Variants in FNBP1L observed in about 807,000 individuals in gnomAD.
The protein encoded by FNBP1L is formin-binding protein 1-like.
FNBP1L carries 36 observed loss-of-function variants against 91.2 expected under a neutral mutation model. The ratio of observed to expected loss-of-function variants is 0.39; its 90% CI spans 0.30 to 0.52. The LOEUF is 0.52. Ranked by LOEUF, FNBP1L falls within the 20% of genes least tolerant of loss-of-function variation. The pLI, the probability that FNBP1L is intolerant of heterozygous loss-of-function variation, is 0.66. For synonymous variants in FNBP1L, 242 were observed against 237.0 expected (o/e 1.02, Z -0.19); for missense variants, 571 against 732.1 (o/e 0.78, Z 2.54).
In FNBP1L at chr1:93,509,093, C is replaced by T. The variant is rs183477467; in HGVS notation, c.140+9510C>T. On this transcript the variant is annotated intron_variant, in intron 2 of 16. Transcript: ENST00000271234. ...CTCCTGGACCTTAATATGTGGTCAC[C>T]GTGACCACAGGTTCATAGGCATGAC... Among the ~76,000 whole-genome samples, 19 of 152,214 alleles carry T rather than the reference C, an allele frequency of 1.2e-4. No homozygotes were observed. The East Asian group carries it at 1.5e-3, about 12-fold the overall frequency.
At chr1:93,469,312 A>T (rs928413591) in intron 1 of FNBP1L, among the ~76,000 whole-genome samples, 1 of 132,322 alleles carries the variant, frequency 7.6e-6, no homozygotes, top group African/African-American at 3.0e-5. Context: ...TTCAACTCCT[A>T]CTTATGAGTG....
intron 2 of FNBP1L, among the ~76,000 whole-genome samples, chr1:93,513,408 A>G (rs1210333192): frequency 3.3e-5 from 5 of 152,066 alleles, no homozygotes; most frequent in Non-Finnish European, 7.4e-5. Context: ...AATCCTCCCT[A>G]ACTCATTTTA....
At chr1:93,548,913 G>C (rs11806965) in intron 14 of FNBP1L, among the ~76,000 whole-genome samples, 1 of 152,296 alleles carries the variant, frequency 6.6e-6, no homozygotes, top group African/African-American at 2.4e-5. Context: ...ACTAAACATG[G>C]ATATGCATGG....
At chr1:93,518,046 A>G (rs574151689) in intron 2 of FNBP1L, among the ~76,000 whole-genome samples, 1 of 152,342 alleles carries the variant, frequency 6.6e-6, no homozygotes, top group East Asian at 1.9e-4. Context: ...CAAGTAATAC[A>G]TGTATGACAA....
chr1:93,486,460 T>A (rs1356518879), intron 1 of FNBP1L, among the ~76,000 whole-genome samples: 5 of 151,818 alleles, frequency 3.3e-5, no homozygotes, highest in African/African-American at 1.2e-4. Flanking sequence ...TTTTTTTTTT[T>A]AAAGTGCTTT....
chr1:93,485,073 C>G (rs1402745460), intron 1 of FNBP1L, among the ~76,000 whole-genome samples: 1 of 151,776 alleles, frequency 6.6e-6, no homozygotes, highest in Non-Finnish European at 1.5e-5. Context: ...ATTGCTTGAG[C>G]CCAGGAGGTC....
intron 11 of FNBP1L, among the ~76,000 whole-genome samples, chr1:93,541,328 ATTT>A (rs1305449663): frequency 6.6e-6 from 1 of 152,168 alleles, no homozygotes; most frequent in Non-Finnish European, 1.5e-5. Flanking sequence ...GTGGTTAAAC[ATTT>A]TTTAAAGATT....
chr1:93,528,507 C>T (rs1377589157), intron 5 of FNBP1L, among the ~76,000 whole-genome samples: 7 of 152,146 alleles, frequency 4.6e-5, no homozygotes, highest in Admixed American at 3.9e-4. Flanking sequence ...CATTTTTAGC[C>T]ATGGAGATTC....
intron 1 of FNBP1L, among the ~76,000 whole-genome samples, chr1:93,491,569 G>A (rs535701134): frequency 3.3e-5 from 5 of 151,988 alleles, no homozygotes; most frequent in African/African-American, 4.8e-5. Context: ...AAAAATTTTC[G>A]TTTGTTATCC....
At chr1:93,543,980 G>A in intron 11 of FNBP1L, 127 bp from the exon 12 acceptor site, 3 of 461,216 alleles carry the variant, frequency 6.5e-6, no homozygotes, top group South Asian at 1.2e-4. Context: ...TTTTTTTTAA[G>A]GGGTTGCTTG....
At chr1:93,468,332 AT>A (rs1669160485) in intron 1 of FNBP1L, among the ~76,000 whole-genome samples, 1 of 152,024 alleles carries the variant, frequency 6.6e-6, no homozygotes, top group Non-Finnish European at 1.5e-5. Context: ...CATATACCAC[AT>A]TTTATTCATC....
chr1:93,539,987 A>G (rs1033294961), intron 10 of FNBP1L, among the ~76,000 whole-genome samples: 3 of 152,096 alleles, frequency 2.0e-5, no homozygotes, highest in Admixed American at 2.0e-4. Flanking sequence ...GGAAAAGTAA[A>G]AATTTTACAG....
Position 93,457,105 on chromosome 1 carries a change from A to C in FNBP1L, c.24+8800A>C, listed in dbSNP as rs144041008. ...GTTTAGCCATATTGCCCAGGCTGGG[A>C]TCTTCTGGGCTCAAGTGATCCATCT... On this transcript the variant is annotated intron_variant, in intron 1 of 16. Coordinates refer to ENST00000271234, the MANE Select transcript of FNBP1L (RefSeq NM_001164473.3). Among the ~76,000 whole-genome samples the C allele has an allele frequency of 3.4e-3, 514 of 152,228 alleles. 12 individuals carry two copies. The highest frequency in any genetic ancestry group is 0.031 in the Admixed American group (478 of 15,302).
intron 1 of FNBP1L, among the ~76,000 whole-genome samples, chr1:93,489,636 A>G (rs564029743): frequency 1.1e-4 from 16 of 152,192 alleles, no homozygotes; most frequent in African/African-American, 3.9e-4. Context: ...ATTTAAATTT[A>G]AGAAAAAATT....
chr1:93,538,552 A>T (rs1557817519), intron 10 of FNBP1L, among the ~76,000 whole-genome samples: 2 of 151,912 alleles, frequency 1.3e-5, no homozygotes, highest in Non-Finnish European at 2.9e-5. Flanking sequence ...AGGTTGAGAA[A>T]TTTTTTTCTT....
chr1:93,513,990 G>A (rs1256549366), intron 2 of FNBP1L, among the ~76,000 whole-genome samples: 1 of 152,090 alleles, frequency 6.6e-6, no homozygotes, highest in African/African-American at 2.4e-5. Context: ...GTCCCTGTTT[G>A]CAGACGACAT....
intron 1 of FNBP1L, among the ~76,000 whole-genome samples, chr1:93,492,185 A>G (rs930978170): frequency 2.0e-5 from 3 of 152,166 alleles, no homozygotes; most frequent in African/African-American, 7.2e-5. Context: ...TTAGATATCT[A>G]TTTTTTAGAT....
intron 1 of FNBP1L, among the ~76,000 whole-genome samples, chr1:93,467,220 T>G (rs1669112383): frequency 6.6e-6 from 1 of 152,116 alleles, no homozygotes; most frequent in African/African-American, 2.4e-5. Context: ...TGACAATAGC[T>G]AAAAAATGGA....
At chr1:93,489,380 G>A (rs765991475) in intron 1 of FNBP1L, among the ~76,000 whole-genome samples, 2 of 152,088 alleles carry the variant, frequency 1.3e-5, no homozygotes, top group Non-Finnish European at 2.9e-5. Flanking sequence ...TTCAGGGAGT[G>A]ACTTGACAGG....
Sources: gnomAD v4.1 joint callset for allele counts (sites outside exome capture counted in the v4.1 genomes callset) on GRCh38, gnomAD v4.1.1 for gene constraint, MANE v1.5 for transcripts, NCBI Gene and HGNC (gene_info 2026-07-23, HGNC 2026-07-21) for gene names.